The following SLC41A2 variants were observed in gnomAD, a reference collection of about 807,000 sequenced individuals.
SLC41A2 encodes the protein solute carrier family 41 member 2, also known as SLC41A1-like 1.
In SLC41A2, 32 loss-of-function variants were observed where a neutral mutation model predicts 58.3. The ratio of observed to expected loss-of-function variants is 0.55; its 90% CI spans 0.41 to 0.74. The LOEUF (loss-of-function observed/expected upper bound fraction) is 0.74, where lower values mean the gene tolerates loss of function less well. Among genes scored for constraint, SLC41A2 ranks in the 30% least tolerant of loss-of-function variants. The pLI, the probability that SLC41A2 is intolerant of heterozygous loss-of-function variation, is 0.00. For missense variants in SLC41A2, 514 were observed against 680.6 expected (o/e 0.76, Z 2.72); for synonymous variants, 190 against 235.0 (o/e 0.81, Z 1.75).
At chr12:104,857,260 T>C (rs2043051449) in intron 8 of SLC41A2, among the ~76,000 whole-genome samples, 1 of 152,130 alleles carries the variant, frequency 6.6e-6, no homozygotes, top group South Asian at 2.1e-4. Context: ...CTAGGGGGTC[T>C]GAGGAAGGTT....
intron 8 of SLC41A2, among the ~76,000 whole-genome samples, chr12:104,858,094 TTTGA>T (rs1487714237): frequency 3.3e-5 from 5 of 152,172 alleles, no homozygotes; most frequent in Non-Finnish European, 7.4e-5. Context: ...GTTTAACAAA[TTTGA>T]TTGACCACAG....
At chr12:104,892,518 T>C (rs999532616) in intron 4 of SLC41A2, among the ~76,000 whole-genome samples, 2 of 151,930 alleles carry the variant, frequency 1.3e-5, no homozygotes, top group African/African-American at 2.4e-5. Context: ...TCTTAACATT[T>C]ATGTGGGATC....
chr12:104,835,181 G>A (rs563201266), intron 10 of SLC41A2, among the ~76,000 whole-genome samples: 1 of 152,264 alleles, frequency 6.6e-6, no homozygotes, highest in South Asian at 2.1e-4. Context: ...TATACAGGTG[G>A]GAAACAGTGC....
At chr12:104,808,315 T>C (rs2041014044) in intron 10 of SLC41A2, among the ~76,000 whole-genome samples, 1 of 152,220 alleles carries the variant, frequency 6.6e-6, no homozygotes, top group South Asian at 2.1e-4. Context: ...TCTGCATCTA[T>C]TGAGATAATC....
intron 10 of SLC41A2, among the ~76,000 whole-genome samples, chr12:104,822,355 T>C (rs764477713): frequency 9.2e-5 from 14 of 152,160 alleles, no homozygotes; most frequent in African/African-American, 1.2e-4. Flanking sequence ...CCACTTCAAA[T>C]AGGCCTTCTG....
intron 6 of SLC41A2, among the ~76,000 whole-genome samples, chr12:104,880,380 C>A (rs2044300351): frequency 6.6e-6 from 1 of 152,200 alleles, no homozygotes; most frequent in South Asian, 2.1e-4. Context: ...GAGAGGGCAT[C>A]CCTGTCTTGT....
rs761662638 is a variant in SLC41A2 at position 104,845,873 on chromosome 12, A to T, written c.1357T>A (p.Tyr453Asn). The change falls in exon 9 of 11, where the codon TAC becomes AAC. Residue 453 changes from tyrosine (Y) to asparagine (N), a missense_variant. Tyr to Asn is a moderately radical substitution (Grantham distance 143). Coordinates refer to ENST00000258538, the MANE Select transcript of SLC41A2 (RefSeq NM_001352171.3). ...GELPDEPKGC[Y>N]YPFRTFFGPG... ...CCAAAGAAAGTTCTAAATGGGTAGTAACAACCTTTGGGTTCATCAGGCAAT... is the reference window on the plus strand; with the variant it reads ...CCAAAGAAAGTTCTAAATGGGTAGTTACAACCTTTGGGTTCATCAGGCAAT... 2 of 1,613,760 alleles carry T rather than the reference A, an allele frequency of 1.2e-6. No individual in the cohort carries two copies. The highest frequency in any genetic ancestry group is 1.7e-6 in the Non-Finnish European group (2 of 1,179,768).
intron 8 of SLC41A2, among the ~76,000 whole-genome samples, chr12:104,853,827 T>G (rs1238254191): frequency 6.6e-6 from 1 of 151,444 alleles, no homozygotes; most frequent in African/African-American, 2.4e-5. Flanking sequence ...CACCGCATCC[T>G]TGATCTCCTG....
intron 9 of SLC41A2, 152 bp from the exon 10 acceptor site, chr12:104,844,772 C>G: frequency 2.6e-6 from 1 of 384,128 alleles, no homozygotes; most frequent in South Asian, 9.1e-5. Context: ...CAAGTAGTTA[C>G]AATTCATTTC....
At chr12:104,827,398 C>A (rs1187165117) in intron 10 of SLC41A2, among the ~76,000 whole-genome samples, 2 of 152,138 alleles carry the variant, frequency 1.3e-5, no homozygotes, top group African/African-American at 2.4e-5. Flanking sequence ...CCCAGGCAAG[C>A]CTACAAACCC....
intron 6 of SLC41A2, among the ~76,000 whole-genome samples, chr12:104,876,003 C>T (rs2044024512): frequency 6.6e-6 from 1 of 152,072 alleles, no homozygotes; most frequent in Non-Finnish European, 1.5e-5. Context: ...CTATTTGTTC[C>T]TCATTCAATT....
At chr12:104,931,631 C>CATGT (rs1202318546) in intron 1 of SLC41A2, 1 of 152,204 alleles carries the variant, frequency 6.6e-6, no homozygotes, top group African/African-American at 2.4e-5. Context: ...AAATGACTTA[C>CATGT]AGGGCTATTT....
At chr12:104,887,192 G>A (rs1038558213) in intron 5 of SLC41A2, among the ~76,000 whole-genome samples, 4 of 151,926 alleles carry the variant, frequency 2.6e-5, no homozygotes, top group African/African-American at 9.7e-5. Flanking sequence ...ATGTAGTAAA[G>A]AGAAAACTTT....
chr12:104,921,152 C>A (rs991144535), intron 2 of SLC41A2, among the ~76,000 whole-genome samples: 1 of 151,606 alleles, frequency 6.6e-6, no homozygotes, highest in Non-Finnish European at 1.5e-5. Flanking sequence ...CCTTGAAAGA[C>A]GAAATCTAAT....
At chr12:104,823,780 ACTT>A (rs1483007487) in intron 10 of SLC41A2, among the ~76,000 whole-genome samples, 1 of 152,200 alleles carries the variant, frequency 6.6e-6, no homozygotes, top group African/African-American at 2.4e-5. Flanking sequence ...TCAAATTAGA[ACTT>A]CTGCTCTTAA....
At chr12:104,929,430 A>T (rs910346356) in intron 1 of SLC41A2, among the ~76,000 whole-genome samples, 3 of 152,252 alleles carry the variant, frequency 2.0e-5, no homozygotes, top group African/African-American at 7.2e-5. Flanking sequence ...CTTGTAACGC[A>T]CTTATTTATG....
rs1046267125 is a variant in SLC41A2 at position 104,829,695 on chromosome 12, T to C, written c.1536+14777A>G. Among the ~76,000 whole-genome samples the C allele has an allele frequency of 2.6e-5, 4 of 152,152 alleles. No homozygotes were observed. In the East Asian group the frequency reaches 7.7e-4, roughly 29 times the overall value. The stretch of plus-strand genomic sequence containing the variant: ...TTCATCTCTGTATATTGAATAGAAG[T>C]GTGCAGCCCTCCAAGCAACAGCCTT... On this transcript the variant is annotated intron_variant, in intron 10 of 10. Coordinates refer to ENST00000258538, the MANE Select transcript of SLC41A2 (RefSeq NM_001352171.3).
chr12:104,948,720 G>C (rs2047830830), intron 1 of SLC41A2, among the ~76,000 whole-genome samples: 1 of 152,148 alleles, frequency 6.6e-6, no homozygotes. Context: ...CACAGCCATG[G>C]GCACAAGGAT....
intron 2 of SLC41A2, among the ~76,000 whole-genome samples, chr12:104,916,973 TG>T (rs1292456251): frequency 6.7e-6 from 1 of 149,994 alleles, no homozygotes; most frequent in Non-Finnish European, 1.5e-5. Context: ...AATTGACAAA[TG>T]GGATCTAATT....
Sources: gnomAD v4.1 joint callset for allele counts (sites outside exome capture counted in the v4.1 genomes callset) on GRCh38, gnomAD v4.1.1 for gene constraint, MANE v1.5 for transcripts, NCBI Gene and HGNC (gene_info 2026-07-23, HGNC 2026-07-21) for gene names.